Variants in ARNT2 observed in about 807,000 individuals in gnomAD.
The protein encoded by ARNT2 is ARNT protein 2.
ARNT2 carries 36 observed loss-of-function variants against 91.7 expected under a neutral mutation model. The observed-to-expected ratio is 0.39, with a 90% CI of 0.30 to 0.52. The LOEUF (loss-of-function observed/expected upper bound fraction) is 0.52. Among genes scored for constraint, ARNT2 ranks in the 20% least tolerant of loss-of-function variants. The pLI is 0.72. For synonymous variants in ARNT2, 365 were observed against 347.1 expected (o/e 1.05, Z -0.57); for missense variants, 775 against 939.3 (o/e 0.83, Z 2.29).
intron 1 of ARNT2, among the ~76,000 whole-genome samples, chr15:80,445,451 T>C (rs1896283260): frequency 6.7e-6 from 1 of 149,406 alleles, no homozygotes; most frequent in Non-Finnish European, 1.5e-5. Context: ...GTGTTGTGTA[T>C]GTGTGTTGAT....
chr15:80,440,455 G>A (rs1896171102), intron 1 of ARNT2, among the ~76,000 whole-genome samples: 1 of 152,188 alleles, frequency 6.6e-6, no homozygotes, highest in Non-Finnish European at 1.5e-5. Flanking sequence ...AGAGATTACA[G>A]GACTTCAGCC....
chr15:80,423,149 G>T (rs1228641986), intron 1 of ARNT2, among the ~76,000 whole-genome samples: 1 of 152,110 alleles, frequency 6.6e-6, no homozygotes, highest in Non-Finnish European at 1.5e-5. Flanking sequence ...TAATAATAAT[G>T]ATATCCACCT....
At chr15:80,537,415 A>G (rs1447669390) in intron 8 of ARNT2, among the ~76,000 whole-genome samples, 2 of 152,182 alleles carry the variant, frequency 1.3e-5, no homozygotes, top group African/African-American at 2.4e-5. Context: ...GTTTACCAAT[A>G]TCACTACTTA....
At chr15:80,487,401 G>A (rs796688015) in intron 5 of ARNT2, among the ~76,000 whole-genome samples, 12 of 152,332 alleles carry the variant, frequency 7.9e-5, no homozygotes, top group African/African-American at 2.2e-4. Context: ...CAGATGGGGC[G>A]CGTGGAGGGG....
At chr15:80,427,809 C>T (rs984437177) in intron 1 of ARNT2, among the ~76,000 whole-genome samples, 1 of 152,190 alleles carries the variant, frequency 6.6e-6, no homozygotes, top group Non-Finnish European at 1.5e-5. Flanking sequence ...TTTAGACAGT[C>T]CCAGCTCTTC....
chr15:80,492,796 T>C (rs1277052851), intron 5 of ARNT2, among the ~76,000 whole-genome samples: 6 of 152,226 alleles, frequency 3.9e-5, no homozygotes. Flanking sequence ...ATTGCCTCCA[T>C]TTGGGTATTC....
chr15:80,568,186 G>T (rs957550629), intron 12 of ARNT2, among the ~76,000 whole-genome samples: 4 of 152,212 alleles, frequency 2.6e-5, no homozygotes, highest in Admixed American at 2.0e-4. Flanking sequence ...TAACGTGCTG[G>T]TCACACAGCA....
At chr15:80,450,443 G>A (rs2141380235) in intron 1 of ARNT2, among the ~76,000 whole-genome samples, 1 of 152,240 alleles carries the variant, frequency 6.6e-6, no homozygotes, top group South Asian at 2.1e-4. Flanking sequence ...GCAACGGAGG[G>A]GCAGTGGCGG....
rs1893336673 is a variant in ARNT2 at position 80,594,352 on chromosome 15, G to A, written c.*654G>A. 1 of 152,494 alleles carries A rather than the reference G, an allele frequency of 6.6e-6. No individual in the cohort carries two copies. Among genetic ancestry groups the A allele is most frequent in the South Asian group, 2.1e-4 (1 of 4,842 alleles). The allele number at this position is 152,494 out of a possible 1,614,324, so 9.4% of individuals were successfully genotyped here. ...TCTGTCATGTGTGGCCAGCGTGATT[G>A]TATAGAATCCAGAGTATGTAGAGAG... On this transcript the variant is annotated 3_prime_UTR_variant, in exon 19 of 19. Coordinates refer to ENST00000303329, the MANE Select transcript of ARNT2 (RefSeq NM_014862.4).
chr15:80,491,697 G>A (rs187628268), intron 5 of ARNT2, among the ~76,000 whole-genome samples: 187 of 152,190 alleles, frequency 1.2e-3, no homozygotes, highest in African/African-American at 4.4e-3. Flanking sequence ...GATATTTTGG[G>A]GAGTGAGGTT....
chr15:80,429,585 C>A (rs1895981277), intron 1 of ARNT2, among the ~76,000 whole-genome samples: 1 of 152,180 alleles, frequency 6.6e-6, no homozygotes, highest in Admixed American at 6.5e-5. Flanking sequence ...GCTGATATAG[C>A]AAATCATCGA....
intron 1 of ARNT2, among the ~76,000 whole-genome samples, chr15:80,408,074 T>C (rs1020606544): frequency 6.6e-6 from 1 of 152,222 alleles, no homozygotes. Flanking sequence ...AAATCAATTA[T>C]TGGATTTTTT....
At chr15:80,527,434 A>G (rs1178353738) in intron 8 of ARNT2, among the ~76,000 whole-genome samples, 3 of 152,214 alleles carry the variant, frequency 2.0e-5, no homozygotes, top group African/African-American at 7.2e-5. Context: ...TAGCAGGCAA[A>G]GAGAGAGTAA....
rs1008672743 is a variant in ARNT2, at chr15:80,493,546, G to C, written c.623-14610G>C. Among the ~76,000 whole-genome samples, 24 of 152,222 alleles carry C rather than the reference G, an allele frequency of 1.6e-4. No homozygotes were observed. In the Middle Eastern group the frequency reaches 0.01, roughly 65 times the overall value. On this transcript the variant is annotated intron_variant, in intron 5 of 18. Coordinates refer to ENST00000303329, the MANE Select transcript of ARNT2 (RefSeq NM_014862.4). ...TTTCTTCCTCTTTATGTGGCAGGTT[G>C]TTTGCTTTAAGTCAGGGTGATATGA...
At position 80,425,835 on chromosome 15, in the gene ARNT2, C is replaced by T. The variant is rs139516307; in HGVS notation, c.31+21289C>T. On this transcript the variant is annotated intron_variant, in intron 1 of 18. Transcript: ENST00000303329. ...GGCCAAGGCAGGAGGATCACTTAAG[C>T]CCAGGTGCTCGAGACCAGCCTGGGC... Among the ~76,000 whole-genome samples, 638 of 152,200 alleles carry T rather than the reference C, an allele frequency of 4.2e-3. 3 individuals carry two copies. Among genetic ancestry groups the T allele is most frequent in the Non-Finnish European group, 2.4e-3 (165 of 67,998 alleles).
chr15:80,421,247 C>T (rs1895856449), intron 1 of ARNT2, among the ~76,000 whole-genome samples: 1 of 152,002 alleles, frequency 6.6e-6, no homozygotes, highest in Admixed American at 6.6e-5. Context: ...ACATTGGAGA[C>T]TCAGAAGGGT....
intron 1 of ARNT2, among the ~76,000 whole-genome samples, chr15:80,407,115 AAAGAAT>A (rs1895612538): frequency 6.6e-6 from 1 of 152,150 alleles, no homozygotes; most frequent in African/African-American, 2.4e-5. Flanking sequence ...GTTGCTTTGC[AAAGAAT>A]AAGAGCTTGG....
intron 1 of ARNT2, among the ~76,000 whole-genome samples, chr15:80,423,536 G>A (rs898359995): frequency 6.6e-6 from 1 of 152,150 alleles, no homozygotes; most frequent in Non-Finnish European, 1.5e-5. Flanking sequence ...TCCCAAGGTT[G>A]AGCTATATGT....
chr15:80,572,876 C>T (rs908408157), intron 12 of ARNT2, among the ~76,000 whole-genome samples: 5 of 152,134 alleles, frequency 3.3e-5, no homozygotes, highest in African/African-American at 9.7e-5. Context: ...TGTTTCCAGA[C>T]GATCTTCACA....
Sources: gnomAD v4.1 joint callset for allele counts (sites outside exome capture counted in the v4.1 genomes callset) on GRCh38, gnomAD v4.1.1 for gene constraint, MANE v1.5 for transcripts, NCBI Gene and HGNC (gene_info 2026-07-23, HGNC 2026-07-21) for gene names.